The following PRKG1 variants were observed in gnomAD, a reference collection of about 807,000 sequenced individuals.
PRKG1 encodes protein kinase cGMP-dependent 1.
PRKG1 carries 35 observed loss-of-function variants against 88.1 expected under a neutral mutation model. That is an observed-to-expected ratio of 0.40 (90% CI 0.30 to 0.53). The LOEUF (loss-of-function observed/expected upper bound fraction) is 0.53, where lower values mean the gene tolerates loss of function less well. PRKG1 is among the 20% of genes least tolerant of loss of function. The probability of loss-of-function intolerance (pLI) is 0.59; values close to 1 mark genes in which losing one functional copy is unlikely to be tolerated. For missense variants in PRKG1, 540 were observed against 839.8 expected (o/e 0.64, Z 4.41); for synonymous variants, 303 against 292.5 (o/e 1.04, Z -0.37).
chr10:52,190,793 C>T (rs1839342247), intron 9 of PRKG1, among the ~76,000 whole-genome samples: 1 of 152,084 alleles, frequency 6.6e-6, no homozygotes, highest in African/African-American at 2.4e-5. Context: ...TGGACCCCTT[C>T]CCTTAAGATT....
At chr10:51,115,669 C>T (rs1400986641) in intron 1 of PRKG1, among the ~76,000 whole-genome samples, 2 of 151,422 alleles carry the variant, frequency 1.3e-5, no homozygotes, top group Non-Finnish European at 2.9e-5. Context: ...GAAACCCCGT[C>T]TCTATTAAAA....
chr10:51,066,819 A>T (rs888433332), intron 1 of PRKG1, among the ~76,000 whole-genome samples: 10 of 152,058 alleles, frequency 6.6e-5, no homozygotes, highest in African/African-American at 2.4e-4. Flanking sequence ...AACATTTTTG[A>T]CCATGAAACC....
intron 1 of PRKG1, among the ~76,000 whole-genome samples, chr10:51,031,100 A>G (rs1464541769): frequency 1.3e-5 from 2 of 152,180 alleles, no homozygotes; most frequent in Non-Finnish European, 2.9e-5. Context: ...GAAAAGATCA[A>G]TCTTGACTCT....
At chr10:52,242,929 G>T (rs1038898558) in intron 9 of PRKG1, among the ~76,000 whole-genome samples, 7 of 150,576 alleles carry the variant, frequency 4.6e-5, no homozygotes, top group Admixed American at 2.0e-4. Context: ...AAGAGAAGAA[G>T]AAGAAAGAAG....
In PRKG1 at chr10:52,295,470, C is replaced by T. The variant is rs1251031527; in HGVS notation, c.*1570C>T. The T allele has an allele frequency of 1.3e-5, 2 of 152,002 alleles. No homozygotes were observed. Among genetic ancestry groups the T allele is most frequent in the Admixed American group, 6.6e-5 (1 of 15,240 alleles). 9.4% of individuals were successfully genotyped at this position (152,002 alleles called of 1,614,324 possible). A position where few individuals can be genotyped will look rare whatever the true frequency, so the allele number is the denominator to read the frequency against. The stretch of plus-strand genomic sequence containing the variant: ...AAGAATCCACAAATTAAACTGAGTC[C>T]TTCACTGGCATGCCAGTTGACTATT... On this transcript the variant is annotated 3_prime_UTR_variant, in exon 18 of 18. Transcript: ENST00000373980.
At chr10:52,168,297 G>C (rs1170744856) in intron 9 of PRKG1, among the ~76,000 whole-genome samples, 3 of 152,156 alleles carry the variant, frequency 2.0e-5, no homozygotes, top group African/African-American at 7.2e-5. Flanking sequence ...GAATTAGTTG[G>C]TATTAGTTAA....
chr10:52,078,538 T>A (rs1004941037), intron 7 of PRKG1, among the ~76,000 whole-genome samples: 2 of 152,226 alleles, frequency 1.3e-5, no homozygotes, highest in African/African-American at 4.8e-5. Flanking sequence ...ATGATAATCA[T>A]GTCCCTGTAT....
chr10:51,388,416 T>C (rs955509921), intron 2 of PRKG1, among the ~76,000 whole-genome samples: 3 of 152,170 alleles, frequency 2.0e-5, no homozygotes, highest in East Asian at 3.9e-4. Flanking sequence ...CAAATCTCTT[T>C]TGATGCCTAA....
At chr10:51,976,408 A>G (rs1479361385) in intron 5 of PRKG1, among the ~76,000 whole-genome samples, 1 of 152,034 alleles carries the variant, frequency 6.6e-6, no homozygotes, top group Non-Finnish European at 1.5e-5. Flanking sequence ...ACAATGGAAT[A>G]TTACTCAAGC....
At chr10:52,140,353 T>C (rs1369314819) in intron 8 of PRKG1, among the ~76,000 whole-genome samples, 1 of 142,354 alleles carries the variant, frequency 7.0e-6, no homozygotes, top group African/African-American at 2.7e-5. Flanking sequence ...CTCCTCCTGA[T>C]GCCATCTGTC....
At chr10:51,845,347 T>C (rs1840371097) in intron 4 of PRKG1, among the ~76,000 whole-genome samples, 1 of 152,204 alleles carries the variant, frequency 6.6e-6, no homozygotes, top group Non-Finnish European at 1.5e-5. Context: ...GATTACTCTA[T>C]TGAAAAGTCT....
In PRKG1 at chr10:51,753,172, C is replaced by CT. The variant is rs200417026; in HGVS notation, c.593-51405dup. 3.0e-3 allele frequency among the ~76,000 whole-genome samples: 456 copies of CT among 151,752 alleles called. 3 individuals are homozygous for CT. Among genetic ancestry groups the CT allele is most frequent in the African/African-American group, 0.01 (428 of 41,402 alleles). ...TTAGTAAGCTTTTGGAAAAATGGCA[C>CT]TTTTTTTTAGTTCATTGCTTATCTA... On this transcript the variant is annotated intron_variant, in intron 3 of 17. Transcript: ENST00000373980.
chr10:51,947,245 G>C (rs188550683), intron 5 of PRKG1, among the ~76,000 whole-genome samples: 2 of 151,432 alleles, frequency 1.3e-5, no homozygotes, highest in Non-Finnish European at 2.9e-5. Flanking sequence ...GCGAGACTCC[G>C]TGGGCGTAGG....
At chr10:51,688,948 G>A (rs1323356065) in intron 3 of PRKG1, among the ~76,000 whole-genome samples, 1 of 152,080 alleles carries the variant, frequency 6.6e-6, no homozygotes, top group African/African-American at 2.4e-5. Context: ...CATGGGGGTG[G>A]TCTTTCCCAT....
intron 14 of PRKG1, among the ~76,000 whole-genome samples, chr10:52,286,469 C>T (rs1461925562): frequency 6.6e-6 from 1 of 151,882 alleles, no homozygotes; most frequent in African/African-American, 2.4e-5. Flanking sequence ...AATAGAAAAA[C>T]TAGTAAAAAG....
intron 5 of PRKG1, among the ~76,000 whole-genome samples, chr10:52,027,778 TTTATTATTA>T (rs374863850): frequency 6.6e-6 from 1 of 151,614 alleles, no homozygotes; most frequent in East Asian, 1.9e-4. Context: ...CTGTTCTATC[TTTATTATTA>T]TTATTATTAT....
At chr10:51,399,181 TTAA>T (rs1320710911) in intron 2 of PRKG1, among the ~76,000 whole-genome samples, 2 of 151,932 alleles carry the variant, frequency 1.3e-5, no homozygotes, top group African/African-American at 4.8e-5. Context: ...GTGTTATATA[TTAA>T]TATTATATGA....
chr10:51,604,417 T>C (rs1275749194), intron 3 of PRKG1, among the ~76,000 whole-genome samples: 5 of 152,226 alleles, frequency 3.3e-5, no homozygotes, highest in Admixed American at 3.3e-4. Flanking sequence ...TCCCATGTAT[T>C]ACAATAAATA....
At chr10:51,632,059 C>A (rs1839539738) in intron 3 of PRKG1, among the ~76,000 whole-genome samples, 1 of 151,692 alleles carries the variant, frequency 6.6e-6, no homozygotes, top group African/African-American at 2.4e-5. Flanking sequence ...TGTGGCCCAA[C>A]ACAAATTTGT....
Sources: allele counts gnomAD v4.1 joint callset (sites outside exome capture counted in the v4.1 genomes callset), GRCh38; gene constraint gnomAD v4.1.1; transcripts MANE v1.5; gene names NCBI Gene and HGNC (gene_info 2026-07-23, HGNC 2026-07-21).